The following MAGI1 variants were observed in gnomAD, a reference collection of about 807,000 sequenced individuals.
The protein encoded by MAGI1 is membrane-associated guanylate kinase, WW and PDZ domain-containing protein 1.
In MAGI1, 58 loss-of-function variants were observed where a neutral mutation model predicts 139.9. That is an observed-to-expected ratio of 0.41 (90% CI 0.34 to 0.52). MAGI1 has a LOEUF of 0.52. Among genes scored for constraint, MAGI1 ranks in the 20% least tolerant of loss-of-function variants. MAGI1 has a pLI of 0.12. For synonymous variants in MAGI1, 812 were observed against 737.9 expected, an observed-to-expected ratio of 1.10 and a Z score of -1.63; for missense variants, 1,874 against 1,901.6, an observed-to-expected ratio of 0.99 and a Z score of 0.27.
At chr3:65,818,518 C>T (rs975127027) in intron 1 of MAGI1, among the ~76,000 whole-genome samples, 1 of 152,114 alleles carries the variant, frequency 6.6e-6, no homozygotes, top group Non-Finnish European at 1.5e-5. Context: ...AGTGAATCCA[C>T]GTTAGCCACA....
intron 1 of MAGI1, among the ~76,000 whole-genome samples, chr3:65,666,258 G>C (rs1277955283): frequency 6.6e-6 from 1 of 152,134 alleles, no homozygotes; most frequent in Non-Finnish European, 1.5e-5. Context: ...TTAGTAGCCA[G>C]GGCACTGTAC....
At chr3:65,724,961 C>T (rs1347398477) in intron 1 of MAGI1, among the ~76,000 whole-genome samples, 3 of 152,138 alleles carry the variant, frequency 2.0e-5, no homozygotes, top group African/African-American at 7.2e-5. Flanking sequence ...AAGACGAAAT[C>T]TGGGTGGGGA....
chr3:65,401,805 A>C, intron 12 of MAGI1: 3 of 1,321,910 alleles, frequency 2.3e-6, no homozygotes, highest in Non-Finnish European at 2.9e-6. Flanking sequence ...ATTAAGAGAG[A>C]CTTAACTTAC....
At chr3:65,547,408 T>C in intron 2 of MAGI1, among the ~76,000 whole-genome samples, 1 of 152,330 alleles carries the variant, frequency 6.6e-6, no homozygotes, top group Non-Finnish European at 1.5e-5. Context: ...TTATATCTAT[T>C]ACCAGAGTAT....
chr3:65,609,441 T>A (rs1225209386), intron 2 of MAGI1, among the ~76,000 whole-genome samples: 4 of 151,760 alleles, frequency 2.6e-5, no homozygotes, highest in Admixed American at 1.3e-4. Flanking sequence ...CCATGCCCAA[T>A]TAATTTTTTG....
At chr3:65,406,762 T>C (rs1156511280) in intron 12 of MAGI1, among the ~76,000 whole-genome samples, 3 of 151,894 alleles carry the variant, frequency 2.0e-5, no homozygotes, top group South Asian at 4.2e-4. Flanking sequence ...TGTGTATATA[T>C]ATGTATACAC....
At chr3:65,680,530 T>G (rs998834349) in intron 1 of MAGI1, among the ~76,000 whole-genome samples, 2 of 152,144 alleles carry the variant, frequency 1.3e-5, no homozygotes, top group Admixed American at 1.3e-4. Flanking sequence ...TCCTCCTGCC[T>G]CAGTCTCCTG....
At chr3:65,959,416 T>A (rs1236671251) in intron 1 of MAGI1, among the ~76,000 whole-genome samples, 1 of 152,078 alleles carries the variant, frequency 6.6e-6, no homozygotes, top group African/African-American at 2.4e-5. Flanking sequence ...CAAGGCACTA[T>A]GTCTGTGCAC....
chr3:65,707,422 C>T (rs1174462570), intron 1 of MAGI1, among the ~76,000 whole-genome samples: 2 of 152,100 alleles, frequency 1.3e-5, no homozygotes, highest in South Asian at 2.1e-4. Context: ...TGAGCCACAG[C>T]GGCTCCCTAT....
chr3:65,816,812 G>C (rs2041634521), intron 1 of MAGI1, among the ~76,000 whole-genome samples: 1 of 152,166 alleles, frequency 6.6e-6, no homozygotes, highest in African/African-American at 2.4e-5. Context: ...GCAGAGGAAA[G>C]AAGAGAATTT....
Position 65,696,914 on chromosome 3 carries a change from A to G in MAGI1, c.314-74826T>C, listed in dbSNP as rs932936513. Among the ~76,000 whole-genome samples, 5 of 152,312 alleles carry G rather than the reference A, an allele frequency of 3.3e-5. 1 individual carries two copies. In the South Asian group the frequency reaches 6.2e-4, roughly 19 times the overall value. On this transcript the variant is annotated intron_variant, in intron 1 of 22. Transcript: ENST00000402939. ...AATAGAGACACAAAAAACCCTTCAA[A>G]AAAAGGTAATGAATCGAGGAGCTGG... is the stretch of plus-strand genomic sequence containing the variant.
intron 1 of MAGI1, among the ~76,000 whole-genome samples, chr3:65,935,014 G>A (rs141704332): frequency 6.6e-6 from 1 of 152,090 alleles, no homozygotes; most frequent in Non-Finnish European, 1.5e-5. Context: ...TTCCAGTAAA[G>A]GAATGATTAG....
intron 1 of MAGI1, among the ~76,000 whole-genome samples, chr3:65,737,690 C>G (rs2034891217): frequency 6.6e-6 from 1 of 152,114 alleles, no homozygotes; most frequent in East Asian, 1.9e-4. Context: ...TGGCTGGGGT[C>G]AAACCACAAA....
rs925107229 is a variant in MAGI1, at chr3:65,578,801, C to T, written c.430+43171G>A. Among the ~76,000 whole-genome samples the T allele has an allele frequency of 4.3e-4, 65 of 151,938 alleles. 1 individual carries two copies. The highest frequency in any genetic ancestry group is 1.5e-3 in the African/African-American group (64 of 41,338). ...CGGGGCGTGGTGGCACATCCCTGTA[C>T]CCCCAGCTACTTGGGAGGCTGAGGC... On this transcript the variant is annotated intron_variant, in intron 2 of 22. Coordinates refer to ENST00000402939, the MANE Select transcript of MAGI1 (RefSeq NM_001033057.2).
intron 2 of MAGI1, among the ~76,000 whole-genome samples, chr3:65,558,716 G>C (rs2080203345): frequency 6.6e-6 from 1 of 152,056 alleles, no homozygotes; most frequent in African/African-American, 2.4e-5. Context: ...TGCAGATTTG[G>C]GACCCCATCC....
intron 1 of MAGI1, among the ~76,000 whole-genome samples, chr3:65,828,932 G>GCT (rs1399999374): frequency 3.3e-5 from 5 of 152,286 alleles, no homozygotes; most frequent in African/African-American, 1.2e-4. Flanking sequence ...GTGGGTGGCC[G>GCT]CTAGAGGCTG....
At chr3:65,784,780 G>A (rs1361845449) in intron 1 of MAGI1, among the ~76,000 whole-genome samples, 3 of 152,178 alleles carry the variant, frequency 2.0e-5, no homozygotes, top group African/African-American at 7.2e-5. Context: ...ATAATATTTG[G>A]GAAGAAGAAA....
chr3:65,816,121 T>C (rs1003652326), intron 1 of MAGI1, among the ~76,000 whole-genome samples: 3 of 152,096 alleles, frequency 2.0e-5, no homozygotes, highest in Non-Finnish European at 4.4e-5. Flanking sequence ...CCCCTCCCAA[T>C]TCTGATTCTA....
At chr3:65,515,467 G>A (rs1210048617) in intron 2 of MAGI1, among the ~76,000 whole-genome samples, 1 of 152,120 alleles carries the variant, frequency 6.6e-6, no homozygotes, top group East Asian at 1.9e-4. Context: ...ACTAACTAAT[G>A]TCAATGAATG....
Sources: allele counts gnomAD v4.1 joint callset (sites outside exome capture counted in the v4.1 genomes callset), GRCh38; gene constraint gnomAD v4.1.1; transcripts MANE v1.5; gene names NCBI Gene and HGNC (gene_info 2026-07-23, HGNC 2026-07-21).